ASTN2: variants seen among roughly 807,000 people sequenced by gnomAD.
ASTN2 encodes astrotactin 2.
Under a neutral mutation model 139.8 loss-of-function variants are expected in ASTN2, and 54 were observed. The observed-to-expected ratio is 0.39, with a 90% CI of 0.31 to 0.48. ASTN2 has a LOEUF of 0.48. Ranked by LOEUF, ASTN2 falls within the 20% of genes least tolerant of loss-of-function variation. The probability of loss-of-function intolerance (pLI) is 0.95; values close to 1 mark genes in which losing one functional copy is unlikely to be tolerated. For missense variants in ASTN2, 1,565 were observed against 1,725.1 expected (o/e 0.91, Z 1.64); for synonymous variants, 756 against 719.5 (o/e 1.05, Z -0.81).
chr9:116,766,075 G>C (rs114681552), intron 13 of ASTN2, among the ~76,000 whole-genome samples: 176 of 152,204 alleles, frequency 1.2e-3, no homozygotes, highest in African/African-American at 4.1e-3. Context: ...GTGTTTAAAA[G>C]AGAGCCTAAA....
intron 10 of ASTN2, among the ~76,000 whole-genome samples, chr9:116,882,821 T>C (rs1204400233): frequency 7.3e-6 from 1 of 137,486 alleles, no homozygotes; most frequent in Non-Finnish European, 1.6e-5. Flanking sequence ...ACAGAGACCT[T>C]GACTCTTAAA....
At chr9:117,412,378 C>T (rs930294242) in intron 1 of ASTN2, among the ~76,000 whole-genome samples, 1 of 152,146 alleles carries the variant, frequency 6.6e-6, no homozygotes, top group African/African-American at 2.4e-5. Flanking sequence ...GGGGAAGTCT[C>T]CATGTGCAGG....
intron 7 of ASTN2, among the ~76,000 whole-genome samples, chr9:116,998,430 A>G (rs1213242982): frequency 2.0e-5 from 3 of 152,186 alleles, no homozygotes; most frequent in Non-Finnish European, 4.4e-5. Context: ...TATTTAGCAA[A>G]CACACACTTT....
chr9:116,605,380 T>C (rs1187161987), intron 19 of ASTN2, among the ~76,000 whole-genome samples: 1 of 151,936 alleles, frequency 6.6e-6, no homozygotes, highest in East Asian at 1.9e-4. Context: ...CTAAACAAGC[T>C]GAAGCTGAGA....
chr9:116,766,791 AAC>A (rs1049479755), intron 13 of ASTN2, among the ~76,000 whole-genome samples: 5 of 151,294 alleles, frequency 3.3e-5, no homozygotes, highest in Middle Eastern at 3.4e-3. Context: ...TATACATCTA[AAC>A]ACACACACAT....
intron 22 of ASTN2, among the ~76,000 whole-genome samples, chr9:116,432,738 T>C (rs1424730541): frequency 2.0e-5 from 3 of 152,198 alleles, no homozygotes; most frequent in Non-Finnish European, 4.4e-5. Flanking sequence ...CAGACCAGCC[T>C]GGCCAACACG....
intron 19 of ASTN2, among the ~76,000 whole-genome samples, chr9:116,562,990 C>G (rs1472363646): frequency 6.6e-6 from 1 of 152,064 alleles, no homozygotes; most frequent in African/African-American, 2.4e-5. Flanking sequence ...AACTTGCATT[C>G]TGCAGGAGAA....
intron 16 of ASTN2, among the ~76,000 whole-genome samples, chr9:116,720,736 A>G (rs1828449639): frequency 6.6e-6 from 1 of 152,206 alleles, no homozygotes; most frequent in Non-Finnish European, 1.5e-5. Context: ...CAAAAAACTT[A>G]TTATATTTCT....
intron 16 of ASTN2, chr9:116,687,129 A>T (rs979164749): frequency 8.2e-6 from 9 of 1,101,222 alleles, no homozygotes; most frequent in Non-Finnish European, 8.9e-6. Flanking sequence ...CACCAAGGAG[A>T]CGGAAAACTG....
chr9:116,811,463 T>C (rs1251651452), intron 12 of ASTN2, among the ~76,000 whole-genome samples: 1 of 152,240 alleles, frequency 6.6e-6, no homozygotes, highest in African/African-American at 2.4e-5. Flanking sequence ...TTTTCTAATA[T>C]TACTGCATTT....
chr9:116,935,465 A>G (rs1048627592), intron 10 of ASTN2, among the ~76,000 whole-genome samples: 2 of 152,210 alleles, frequency 1.3e-5, no homozygotes, highest in African/African-American at 2.4e-5. Flanking sequence ...CACTCAGTAA[A>G]TGTGAGCTTT....
Position 116,698,136 on chromosome 9 carries a change from G to A in ASTN2, c.2806+27635C>T. On this transcript the variant is annotated intron_variant, in intron 16 of 22. Coordinates refer to ENST00000313400, the MANE Select transcript of ASTN2 (RefSeq NM_001365068.1). The surrounding 1 kb of genome is among the most constrained non-coding windows in gnomAD (Gnocchi z 4.4). Reference sequence around the variant, plus strand: ...CCGGGAGGCAGACCATCAGCCTCCTGGCCACTGTACACTCCCTGTCAAAGA... The same window carrying A: ...CCGGGAGGCAGACCATCAGCCTCCTAGCCACTGTACACTCCCTGTCAAAGA... The A allele has an allele frequency of 1.2e-6, 2 of 1,614,098 alleles. No individual in the cohort carries two copies. Among genetic ancestry groups the A allele is most frequent in the Non-Finnish European group, 8.5e-7 (1 of 1,180,028 alleles).
chr9:116,671,571 C>A (rs140272686), intron 16 of ASTN2, among the ~76,000 whole-genome samples: 2 of 152,266 alleles, frequency 1.3e-5, no homozygotes, highest in Non-Finnish European at 2.9e-5. Flanking sequence ...TATTTACTAC[C>A]TCCTCCACTT....
At chr9:116,647,183 TATAC>T (rs1368360646) in intron 17 of ASTN2, among the ~76,000 whole-genome samples, 1 of 152,202 alleles carries the variant, frequency 6.6e-6, no homozygotes, top group Non-Finnish European at 1.5e-5. Context: ...CCTAGTACTC[TATAC>T]AGTCTTGACT....
At chr9:117,220,424 C>G (rs774051042) in intron 2 of ASTN2, among the ~76,000 whole-genome samples, 26 of 152,114 alleles carry the variant, frequency 1.7e-4, no homozygotes, top group Non-Finnish European at 3.4e-4. Context: ...CTCACTCACT[C>G]GACCTGGAAT....
chr9:116,911,205 A>G (rs1277548359), intron 10 of ASTN2, among the ~76,000 whole-genome samples: 1 of 152,234 alleles, frequency 6.6e-6, no homozygotes, highest in Admixed American at 6.5e-5. Context: ...CATGCCCAGG[A>G]TAAGAGCTTT....
chr9:116,976,365 T>C (rs924230876), intron 8 of ASTN2, among the ~76,000 whole-genome samples, 177 bp from the exon 9 acceptor site: 2 of 152,242 alleles, frequency 1.3e-5, no homozygotes, highest in African/African-American at 2.4e-5. Flanking sequence ...ATTCAGCACT[T>C]TCATAAAGTA....
At chr9:117,073,582 G>A (rs908932398) in intron 5 of ASTN2, among the ~76,000 whole-genome samples, 1 of 152,164 alleles carries the variant, frequency 6.6e-6, no homozygotes, top group Non-Finnish European at 1.5e-5. Context: ...CAGGAATTAG[G>A]TTGGATTCAT....
At chr9:116,889,479 A>G (rs1450603979) in intron 10 of ASTN2, among the ~76,000 whole-genome samples, 2 of 152,100 alleles carry the variant, frequency 1.3e-5, no homozygotes, top group East Asian at 1.9e-4. Context: ...AATGAGGCCA[A>G]TCCCACTGCA....
Sources: allele counts gnomAD v4.1 joint callset (sites outside exome capture counted in the v4.1 genomes callset), GRCh38; gene constraint gnomAD v4.1.1; non-coding constraint Gnocchi (gnomAD v3.1); transcripts MANE v1.5; gene names NCBI Gene and HGNC (gene_info 2026-07-23, HGNC 2026-07-21).